TMEM230: variants seen among roughly 807,000 people sequenced by gnomAD.
TMEM230 encodes transmembrane protein 230, also known as UPF0414 transmembrane protein C20orf30.
TMEM230 carries 10 observed loss-of-function variants against 15.8 expected under a neutral mutation model. The ratio of observed to expected loss-of-function variants is 0.63; its 90% confidence interval spans 0.39 to 1.07. The LOEUF is 1.07. Ranked by LOEUF, TMEM230 falls within the 50% of genes least tolerant of loss-of-function variation. The pLI is 0.01. For synonymous variants in TMEM230, 67 were observed against 76.9 expected (o/e 0.87, Z 0.68); for missense variants, 165 against 193.3 (o/e 0.85, Z 0.87).
the TMEM230 span, chr20:5,061,336 G>C: frequency 1.3e-5 from 2 of 152,138 alleles, no homozygotes; most frequent in African/African-American, 2.4e-5. Context: ...TCAATGCAGT[G>C]CTCTAGTACC....
intron 4 of TMEM230, among the ~76,000 whole-genome samples, chr20:5,101,920 C>T (rs977892374): frequency 1.3e-5 from 2 of 152,218 alleles, no homozygotes; most frequent in African/African-American, 4.8e-5. Flanking sequence ...CACAGTGACC[C>T]CACACATATA....
At chr20:5,070,589 AT>A (rs1452890935) in intron 3 of TMEM230, among the ~76,000 whole-genome samples, 1 of 152,222 alleles carries the variant, frequency 6.6e-6, no homozygotes, top group Non-Finnish European at 1.5e-5. Flanking sequence ...CCTGATCCAG[AT>A]GCGCAAAGGG....
intron 3 of TMEM230, among the ~76,000 whole-genome samples, chr20:5,078,145 C>A (rs6084985): frequency 1.3e-5 from 2 of 151,950 alleles, no homozygotes; most frequent in Admixed American, 6.6e-5. Flanking sequence ...GCCAAAGATG[C>A]TTCATGATTT....
exon 4 of TMEM230, chr20:5,069,163 T>C: frequency 1.3e-6 from 2 of 1,505,214 alleles, no homozygotes; most frequent in Non-Finnish European, 8.8e-7. Flanking sequence ...TTTAAGATGC[T>C]TATCTCAAAT....
Position 5,109,971 on chromosome 20 carries a change from T to C in TMEM230, c.175-526A>G, listed in dbSNP as rs913703616. The stretch of plus-strand genomic sequence containing the variant: ...TACACTCACATCAGCATTTTGCCTA[T>C]TTCCCCTTGATAGAGATCAACCTTT... On this transcript the variant is annotated intron_variant, in intron 2 of 4. Coordinates refer to ENST00000342308, the MANE Select transcript of TMEM230 (RefSeq NM_001009923.2). 3.3e-4 allele frequency among the ~76,000 whole-genome samples: 50 copies of C among 152,330 alleles called. 1 individual carries two copies. The highest frequency in any genetic ancestry group is 1.2e-3 in the African/African-American group (48 of 41,584).
rs187349398 is a variant in TMEM230 at position 5,079,108 on chromosome 20, C to T, written c.223-9759G>A. ...TGTTCCATTGATTTTTCTTTCAATGCCTATGCAGAATCACCCTGTTTTAAT... is the reference window on the plus strand; with the variant it reads ...TGTTCCATTGATTTTTCTTTCAATGTCTATGCAGAATCACCCTGTTTTAAT... On this transcript the variant is annotated intron_variant, in intron 3 of 3. Transcript: ENST00000612323. Among the ~76,000 whole-genome samples the T allele has an allele frequency of 2.0e-5, 3 of 152,238 alleles. No individual in the cohort carries two copies. In the East Asian group the frequency reaches 5.8e-4, roughly 29 times the overall value.
intron 3 of TMEM230, among the ~76,000 whole-genome samples, chr20:5,076,822 C>G (rs2089017642): frequency 6.6e-6 from 1 of 150,550 alleles, no homozygotes; most frequent in Non-Finnish European, 1.5e-5. Context: ...GGATTACAGG[C>G]AAGCGCCACT....
At position 5,111,495 on chromosome 20, in the gene TMEM230, C is replaced by G. The variant is rs10221980; in HGVS notation, c.174+5G>C. The G allele has an allele frequency of 0.13, 25,534 of 193,596 alleles. 2,610 individuals carry two copies. The highest frequency in any genetic ancestry group is 0.3 in the African/African-American group (12,557 of 41,288). 12.0% of individuals were successfully genotyped at this position (193,596 alleles called of 1,614,324 possible). A position where few individuals can be genotyped will look rare whatever the true frequency, so the allele number is the denominator to read the frequency against. ...ATGGTGGTGGGTGCCTGTAGTCCCA[C>G]CTACTCGGGAGGCTGAAGCAGAAGA... On this transcript the variant is annotated splice_donor_5th_base_variant and intron_variant, in intron 2 of 4. Transcript: ENST00000342308.
intron 3 of TMEM230, among the ~76,000 whole-genome samples, chr20:5,106,583 T>G (rs937708141): frequency 6.6e-6 from 1 of 152,114 alleles, no homozygotes; most frequent in Non-Finnish European, 1.5e-5. Context: ...TTTTTGGTAT[T>G]TTTAGTAGAG....
chr20:5,103,253 G>C (rs894148689), intron 4 of TMEM230, among the ~76,000 whole-genome samples: 1 of 151,978 alleles, frequency 6.6e-6, no homozygotes, highest in Non-Finnish European at 1.5e-5. Context: ...CTTGAGCCTA[G>C]GAGTTTAAGA....
At chr20:5,092,060 C>A (rs1355479386) in intron 3 of TMEM230, among the ~76,000 whole-genome samples, 1 of 152,198 alleles carries the variant, frequency 6.6e-6, no homozygotes, top group Non-Finnish European at 1.5e-5. Flanking sequence ...TCTGCCAACA[C>A]CCTATGTGAC....
chr20:5,110,033 T>C (rs901944521), intron 2 of TMEM230, among the ~76,000 whole-genome samples: 1 of 152,050 alleles, frequency 6.6e-6, no homozygotes, highest in Admixed American at 6.6e-5. Context: ...TGCCGTAAAT[T>C]TGTGGGGTTT....
intron 3 of TMEM230, among the ~76,000 whole-genome samples, chr20:5,089,975 C>T (rs1297267178): frequency 6.6e-6 from 1 of 152,052 alleles, no homozygotes; most frequent in Non-Finnish European, 1.5e-5. Context: ...GCTATCGTGC[C>T]ACTGCACTCC....
At position 5,113,067 on chromosome 20, in the gene TMEM230, C is replaced by T; in HGVS notation, c.-39G>A. 1 of 1,539,786 alleles carries T rather than the reference C, an allele frequency of 6.5e-7. No homozygotes were observed. The highest frequency in any genetic ancestry group is 2.4e-5 in the East Asian group (1 of 40,862). Reference sequence around the variant, plus strand: ...TAAGTGCCACTCAGCCGGCCCCAGGCGGGATCAGTGCGCCGGAAGTGGCGT... The same window carrying T: ...TAAGTGCCACTCAGCCGGCCCCAGGTGGGATCAGTGCGCCGGAAGTGGCGT... On this transcript the variant is annotated 5_prime_UTR_variant, in exon 1 of 5. Transcript: ENST00000342308.
At chr20:5,097,945 C>T (rs980594290), downstream of TMEM230, among the ~76,000 whole-genome samples, 4 of 149,352 alleles carry the variant, frequency 2.7e-5, no homozygotes, top group South Asian at 2.1e-4. Flanking sequence ...CTACTTCCTA[C>T]CTAAGAATCT....
intron 3 of TMEM230, among the ~76,000 whole-genome samples, chr20:5,077,038 G>T (rs573032622): frequency 1.4e-3 from 215 of 148,352 alleles, no homozygotes; most frequent in African/African-American, 5.0e-3. Context: ...GAGTGCAGTG[G>T]CTCACACCTG....
At chr20:5,074,495 C>T (rs1393131899) in intron 3 of TMEM230, among the ~76,000 whole-genome samples, 2 of 152,024 alleles carry the variant, frequency 1.3e-5, no homozygotes, top group African/African-American at 4.8e-5. Context: ...ATTTGTCACC[C>T]TTTGTTAAAA....
At chr20:5,093,141 A>G (rs1480187820) in intron 3 of TMEM230, among the ~76,000 whole-genome samples, 1 of 152,222 alleles carries the variant, frequency 6.6e-6, no homozygotes, top group Non-Finnish European at 1.5e-5. Context: ...ATAAAGTTGT[A>G]GGATACAAAC....
rs762282222 is a variant in TMEM230 at position 5,100,471 on chromosome 20, G to A, written c.*320C>T. 7.6e-6 allele frequency: 8 copies of A among 1,045,828 alleles called. No homozygotes were observed. The highest frequency in any genetic ancestry group is 9.2e-6 in the Non-Finnish European group (8 of 867,108). 64.8% of individuals were successfully genotyped at this position (1,045,828 alleles called of 1,614,324 possible). On this transcript the variant is annotated 3_prime_UTR_variant, in exon 5 of 5. Transcript: ENST00000342308. ...GCTACAAGAACAAATTGGCAATGAA[G>A]ACTATTTAAAAGAAATGCTCAGCTC...
Sources: allele counts gnomAD v4.1 joint callset (sites outside exome capture counted in the v4.1 genomes callset), GRCh38; gene constraint gnomAD v4.1.1; transcripts MANE v1.5; gene names NCBI Gene and HGNC (gene_info 2026-07-23, HGNC 2026-07-21).